Variants in ATP6V0A4 observed in about 807,000 individuals in gnomAD.
ATP6V0A4 encodes V-type proton ATPase 116 kDa subunit a 4.
A neutral mutation model predicts 107.3 loss-of-function variants in ATP6V0A4; 86 were observed. The observed-to-expected ratio is 0.80, with a 90% CI of 0.67 to 0.96. The LOEUF is 0.96. Ranked by LOEUF, ATP6V0A4 falls within the 40% of genes least tolerant of loss-of-function variation. ATP6V0A4 has a pLI of 0.00. For missense variants in ATP6V0A4, 908 were observed against 1,045.6 expected (o/e 0.87, Z 1.81); for synonymous variants, 353 against 381.4 (o/e 0.93, Z 0.87).
At chr7:138,782,813 A>G (rs4732336) in intron 2 of ATP6V0A4, among the ~76,000 whole-genome samples, 87,804 of 152,060 alleles carry the variant, frequency 0.58, 25,726 homozygotes, top group African/African-American at 0.65. Flanking sequence ...GGTGGCTCAC[A>G]CCTGTAATCC....
Position 138,747,529 on chromosome 7 carries a change from C to T in ATP6V0A4, c.1216G>A (p.Ala406Thr), listed in dbSNP as rs766990749. 3.1e-6 allele frequency: 5 copies of T among 1,613,904 alleles called. No individual in the cohort carries two copies. Among genetic ancestry groups the T allele is most frequent in the Non-Finnish European group, 4.2e-6 (5 of 1,180,042 alleles). Reference protein sequence around the residue: ...YTIITFPFLFAVMFGDCGHGT... With the variant: ...YTIITFPFLFTVMFGDCGHGT... ...TGACCACAGTCTCCAAACATCACAG[C>T]GAACAGGAAGGGGAAAGTGATGATG... The change falls in exon 13 of 22, where the codon GCT becomes ACT. Residue 406 changes from alanine to threonine, a missense_variant. Transcript: ENST00000310018.
intron 19 of ATP6V0A4, among the ~76,000 whole-genome samples, chr7:138,718,196 G>T (rs1804183326): frequency 1.3e-5 from 1 of 77,582 alleles, no homozygotes; most frequent in Non-Finnish European, 2.6e-5. Context: ...GTCCAGGAAG[G>T]AATGGGTGTG....
intron 21 of ATP6V0A4, among the ~76,000 whole-genome samples, chr7:138,707,166 TTATATATATTATATAA>T (rs1562972381): frequency 8.0e-5 from 6 of 74,566 alleles, no homozygotes; most frequent in Admixed American, 2.4e-4. Flanking sequence ...ATATAATATA[TTATATATATTATATAA>T]TATATTATAT....
At chr7:138,707,142 A>G (rs1366114763) in intron 21 of ATP6V0A4, among the ~76,000 whole-genome samples, 1 of 82,568 alleles carries the variant, frequency 1.2e-5, no homozygotes, top group Non-Finnish European at 2.2e-5. Flanking sequence ...ATACATCAAT[A>G]TTAATATATT....
At chr7:138,754,244 T>C (rs1371716230) in intron 10 of ATP6V0A4, among the ~76,000 whole-genome samples, 2 of 151,526 alleles carry the variant, frequency 1.3e-5, no homozygotes. Flanking sequence ...AGGTCGGGAG[T>C]TCGAGACCAG....
At chr7:138,736,823 G>A (rs113269185) in intron 15 of ATP6V0A4, among the ~76,000 whole-genome samples, 4,381 of 151,894 alleles carry the variant, frequency 0.029, 203 homozygotes, top group African/African-American at 0.1. Flanking sequence ...CGCATGCCTT[G>A]GCCTCCCAAA....
intron 15 of ATP6V0A4, among the ~76,000 whole-genome samples, chr7:138,737,115 A>AAT (rs1554394380): frequency 1.2e-5 from 1 of 86,716 alleles, no homozygotes; most frequent in Non-Finnish European, 2.1e-5. Flanking sequence ...AGCCCTTATT[A>AAT]ATATATATAT....
At chr7:138,796,079 C>T (rs1211495206) in intron 1 of ATP6V0A4, among the ~76,000 whole-genome samples, 1 of 152,092 alleles carries the variant, frequency 6.6e-6, no homozygotes, top group Non-Finnish European at 1.5e-5. Flanking sequence ...ATCAGTCCTG[C>T]CCTGTGAAGC....
rs574521683 is a variant in ATP6V0A4, at chr7:138,717,613, GATAACAAA to G, written c.2140-1740_2140-1733del. The stretch of plus-strand genomic sequence containing the variant: ...GCCTTGGGAAACATCTTCATTCAGA[GATAACAAA>G]ACAAGGCCGGGCACGGTGGCTCATG... On this transcript the variant is annotated intron_variant, in intron 19 of 21. Coordinates refer to ENST00000310018, the MANE Select transcript of ATP6V0A4 (RefSeq NM_020632.3). Among the ~76,000 whole-genome samples, 152 of 151,364 alleles carry G rather than the reference GATAACAAA, an allele frequency of 1.0e-3. 1 individual carries two copies. Among genetic ancestry groups the G allele is most frequent in the African/African-American group, 3.5e-3 (143 of 41,256 alleles).
intron 1 of ATP6V0A4, among the ~76,000 whole-genome samples, chr7:138,789,968 CAAA>C (rs34413519): frequency 4.1e-4 from 52 of 126,824 alleles, no homozygotes; most frequent in African/African-American, 1.4e-3. Context: ...GACTCTGTCT[CAAA>C]AAAAAAAAAA....
chr7:138,770,609 G>C (rs1020840377), intron 3 of ATP6V0A4, among the ~76,000 whole-genome samples: 5 of 152,120 alleles, frequency 3.3e-5, no homozygotes, highest in Admixed American at 2.6e-4. Context: ...ATTAGACTAC[G>C]AACTTGGTGA....
intron 2 of ATP6V0A4, among the ~76,000 whole-genome samples, chr7:138,779,152 G>A (rs1807809798): frequency 6.6e-6 from 1 of 151,996 alleles, no homozygotes; most frequent in South Asian, 2.1e-4. Flanking sequence ...ACCAGCCTGG[G>A]CAACACAGTG....
rs540509474 is a variant in ATP6V0A4, at chr7:138,717,877, C to T, written c.2140-1996G>A. Among the ~76,000 whole-genome samples, 147 of 136,996 alleles carry T rather than the reference C, an allele frequency of 1.1e-3. 1 individual carries two copies. The highest frequency in any genetic ancestry group is 1.3e-3 in the Non-Finnish European group (83 of 65,824). 89.9% of individuals were successfully genotyped at this position (136,996 alleles called of 152,430 possible). A position where few individuals can be genotyped will look rare whatever the true frequency, so the allele number is the denominator to read the frequency against. Reference sequence around the variant, plus strand: ...GAGCTGAGATCTTGCCACTGCACTGCAGCCTGGGCGACACAGTGAGACTCT... The same window carrying T: ...GAGCTGAGATCTTGCCACTGCACTGTAGCCTGGGCGACACAGTGAGACTCT... On this transcript the variant is annotated intron_variant, in intron 19 of 21. Transcript: ENST00000310018.
rs759467148 is a variant in ATP6V0A4 at position 138,769,260 on chromosome 7, G to A, written c.118-9C>T. 2 of 1,610,732 alleles carry A rather than the reference G, an allele frequency of 1.2e-6. No individual in the cohort carries two copies. Among genetic ancestry groups the A allele is most frequent in the Admixed American group, 1.7e-5 (1 of 59,920 alleles). On this transcript the variant is annotated splice_polypyrimidine_tract_variant and intron_variant, in intron 3 of 21. Transcript: ENST00000310018. The stretch of plus-strand genomic sequence containing the variant: ...TTCACATTCATATTTAACTATGGGG[G>A]CGAAAATCACAAGATACATGTTAGT...
chr7:138,748,179 A>G lies in ATP6V0A4; in HGVS notation c.1181-615T>C, dbSNP rs1562999440. ...ACAAAGTTTGATGGAACACAAGATC[A>G]GCTTTCTCTCTCTAGGTGCTTTCTA... is the stretch of plus-strand genomic sequence containing the variant. On this transcript the variant is annotated intron_variant, in intron 12 of 21. Coordinates refer to ENST00000310018, the MANE Select transcript of ATP6V0A4 (RefSeq NM_020632.3). 1.3e-5 allele frequency among the ~76,000 whole-genome samples: 2 copies of G among 151,782 alleles called. 1 individual carries two copies. The highest frequency in any genetic ancestry group is 4.2e-4 in the South Asian group (2 of 4,812).
Position 138,709,759 on chromosome 7 carries a change from C to T in ATP6V0A4, c.2294G>A (p.Ser765Asn). ...SEVLWTMVMN[S>N]GLQTRGWGGI... ...TCCCCAGCCTCGCGTCTGAAGGCCG[C>T]TGTTCATCACCATAGTCCAGAGCAC... The change falls in exon 21 of 22, where the codon AGC becomes AAC. Residue 765 changes from serine to asparagine, a missense_variant. By Grantham distance (46) the Ser-to-Asn change is conservative. Coordinates refer to ENST00000310018, the MANE Select transcript of ATP6V0A4 (RefSeq NM_020632.3). 6.2e-7 allele frequency: 1 copy of T among 1,614,116 alleles called. No individual in the cohort carries two copies. Among genetic ancestry groups the T allele is most frequent in the Non-Finnish European group, 8.5e-7 (1 of 1,179,982 alleles).
At chr7:138,733,948 G>C (rs542943951) in intron 16 of ATP6V0A4, among the ~76,000 whole-genome samples, 188 bp downstream of exon 16, 1 of 152,132 alleles carries the variant, frequency 6.6e-6, no homozygotes, top group Non-Finnish European at 1.5e-5. Flanking sequence ...CTCTGCTCAG[G>C]AGAAACGGAG....
chr7:138,756,577 G>A, intron 8 of ATP6V0A4, 37 bp from the exon 9 acceptor site: 1 of 1,597,098 alleles, frequency 6.3e-7, no homozygotes, highest in South Asian at 1.1e-5. Flanking sequence ...AAAGGGGGGG[G>A]TTTCTTTCTG....
intron 20 of ATP6V0A4, among the ~76,000 whole-genome samples, chr7:138,711,841 C>T (rs1417136026): frequency 6.6e-6 from 1 of 152,216 alleles, no homozygotes; most frequent in South Asian, 2.1e-4. Flanking sequence ...TGCGTGTACC[C>T]GCAGCACAGA....
Sources: gnomAD v4.1 joint callset for allele counts (sites outside exome capture counted in the v4.1 genomes callset) on GRCh38, gnomAD v4.1.1 for gene constraint, MANE v1.5 for transcripts, NCBI Gene and HGNC (gene_info 2026-07-23, HGNC 2026-07-21) for gene names.